Variants in SLC30A9 observed in about 807,000 individuals in gnomAD.
SLC30A9 encodes proton-coupled zinc antiporter SLC30A9, mitochondrial.
In SLC30A9, 58 loss-of-function variants were observed where a neutral mutation model predicts 87.5. The ratio of observed to expected loss-of-function variants is 0.66; its 90% CI spans 0.54 to 0.82. The LOEUF (loss-of-function observed/expected upper bound fraction) is 0.82. Among genes scored for constraint, SLC30A9 ranks in the 40% least tolerant of loss-of-function variants. SLC30A9 has a pLI of 0.00. For synonymous variants in SLC30A9, 234 were observed against 233.0 expected (o/e 1.00, Z -0.04); for missense variants, 557 against 679.1 (o/e 0.82, Z 2.00).
chr4:42,029,813 A>G, intron 6 of SLC30A9: 1 of 728,908 alleles, frequency 1.4e-6, no homozygotes, highest in East Asian at 2.6e-5. Context: ...AGACTTACCC[A>G]GTGATGAAGT....
In SLC30A9 at chr4:42,020,454, T is replaced by C. The variant is rs1158223648; in HGVS notation, c.373T>C (p.Tyr125His). Residue 125 changes from tyrosine (Y) to histidine (H), a missense_variant, in exon 4 of 18, where the codon TAC becomes CAC. Coordinates refer to ENST00000264451, the MANE Select transcript of SLC30A9 (RefSeq NM_006345.4). ...TAAGAAAAGGGAGTATGGCTCAAAG[T>C]ACACTCAGAATAATTTCATCACTGG... Reference protein sequence around the residue: ...VLKKREYGSKYTQNNFITGVR... With the variant: ...VLKKREYGSKHTQNNFITGVR... 1 of 1,597,708 alleles carries C rather than the reference T, an allele frequency of 6.3e-7. No homozygotes were observed. Among genetic ancestry groups the C allele is most frequent in the Non-Finnish European group, 8.6e-7 (1 of 1,166,502 alleles).
chr4:42,035,720 T>C (rs928247010), intron 7 of SLC30A9, among the ~76,000 whole-genome samples: 3 of 152,162 alleles, frequency 2.0e-5, no homozygotes, highest in Non-Finnish European at 2.9e-5. Context: ...GGTCTTGAAC[T>C]CCTGACCTCA....
At position 42,084,751 on chromosome 4, in the gene SLC30A9, G is replaced by A. The variant is rs141815875; in HGVS notation, c.1663-1331G>A. Among the ~76,000 whole-genome samples the A allele has an allele frequency of 6.3e-3, 957 of 152,244 alleles. 4 individuals are homozygous for A. The highest frequency in any genetic ancestry group is 0.012 in the African/African-American group (514 of 41,554). ...CTCCCAGAGTGCTGGGATTACAGGC[G>A]TGAGCCACCGCGCCCGGCCAGGTGC... On this transcript the variant is annotated intron_variant, in intron 17 of 17. Coordinates refer to ENST00000264451, the MANE Select transcript of SLC30A9 (RefSeq NM_006345.4).
chr4:42,049,461 A>G lies in SLC30A9; in HGVS notation c.822A>G (p.Leu274=). 6.3e-7 allele frequency: 1 copy of G among 1,589,466 alleles called. No homozygotes were observed. Among genetic ancestry groups the G allele is most frequent in the Non-Finnish European group, 8.6e-7 (1 of 1,163,684 alleles). The change falls in exon 9 of 18, where the codon TTA becomes TTG. Residue 274 remains leucine (L), a synonymous_variant. Transcript: ENST00000264451. Reference sequence around the variant, plus strand: ...TGTTCTCAGAAGCTATACACTCATTATCTGATACTTGTAATCAGGTGAGGA... The same window carrying G: ...TGTTCTCAGAAGCTATACACTCATTGTCTGATACTTGTAATCAGGTGAGGA... ...ASMFSEAIHS[L]SDTCNQGLLA...
At chr4:42,061,054 A>AAT (rs1326373613) in intron 10 of SLC30A9, among the ~76,000 whole-genome samples, 1 of 152,162 alleles carries the variant, frequency 6.6e-6, no homozygotes, top group Non-Finnish European at 1.5e-5. Context: ...TCTTAAGAAA[A>AAT]ATTTTTTTTT....
At chr4:42,048,440 G>A (rs1441811215) in intron 8 of SLC30A9, among the ~76,000 whole-genome samples, 1 of 152,030 alleles carries the variant, frequency 6.6e-6, no homozygotes, top group Non-Finnish European at 1.5e-5. Context: ...AGCTAAAAGG[G>A]GACATACAGT....
intron 9 of SLC30A9, among the ~76,000 whole-genome samples, chr4:42,053,470 C>G (rs1024564753): frequency 2.0e-5 from 3 of 151,984 alleles, no homozygotes; most frequent in Non-Finnish European, 2.9e-5. Context: ...GCAGGCAGAT[C>G]ATCTGAGGTC....
intron 12 of SLC30A9, among the ~76,000 whole-genome samples, chr4:42,066,092 C>G (rs1252527644): frequency 6.6e-6 from 1 of 152,184 alleles, no homozygotes; most frequent in Admixed American, 6.5e-5. Flanking sequence ...TGATTCACTG[C>G]TGTGCTCATG....
chr4:42,035,440 C>A, intron 7 of SLC30A9, 107 bp downstream of exon 7: 1 of 1,266,016 alleles, frequency 7.9e-7, no homozygotes, highest in Non-Finnish European at 1.1e-6. Context: ...CTAAGATTTT[C>A]TTGAGTACAT....
chr4:42,012,245 G>A (rs2581430), intron 2 of SLC30A9, among the ~76,000 whole-genome samples: 91,857 of 152,034 alleles, frequency 0.6, 33,127 homozygotes, highest in East Asian at 0.95. Flanking sequence ...AATACTATCA[G>A]CCTAATTGTT....
At chr4:41,997,163 A>AC (rs1297336490) in intron 1 of SLC30A9, among the ~76,000 whole-genome samples, 1 of 151,544 alleles carries the variant, frequency 6.6e-6, no homozygotes, top group East Asian at 1.9e-4. Flanking sequence ...CTAACTCAAA[A>AC]AAAAAAAAGA....
At chr4:42,068,275 C>T (rs550502981) in intron 14 of SLC30A9, among the ~76,000 whole-genome samples, 65 of 142,452 alleles carry the variant, frequency 4.6e-4, no homozygotes, top group Non-Finnish European at 9.1e-4. Context: ...CAGAGTTTTG[C>T]TCTTGTTGCC....
Position 41,990,767 on chromosome 4 carries a change from G to A in SLC30A9, c.109+7G>A. ...AATCCCAGCGACCGCCAGGGTGAGT[G>A]TCCCGCGCTGGCCGCTGGCTCCGTA... On this transcript the variant is annotated splice_region_variant and intron_variant, in intron 1 of 17. Transcript: ENST00000264451. 1.3e-6 allele frequency: 2 copies of A among 1,599,480 alleles called. No individual in the cohort carries two copies. Among genetic ancestry groups the A allele is most frequent in the Non-Finnish European group, 1.7e-6 (2 of 1,170,536 alleles).
intron 2 of SLC30A9, among the ~76,000 whole-genome samples, chr4:42,007,615 GGC>G (rs1715267720): frequency 6.6e-6 from 1 of 151,918 alleles, no homozygotes; most frequent in Non-Finnish European, 1.5e-5. Flanking sequence ...GCCGGAGCCG[GGC>G]ATGGTGGCAC....
At chr4:41,998,835 G>A (rs1210933892) in intron 1 of SLC30A9, among the ~76,000 whole-genome samples, 1 of 152,118 alleles carries the variant, frequency 6.6e-6, no homozygotes. Context: ...GTTTTATTGA[G>A]TTAAATGTGC....
At chr4:42,028,074 C>G (rs1182840571) in intron 6 of SLC30A9, among the ~76,000 whole-genome samples, 1 of 152,174 alleles carries the variant, frequency 6.6e-6, no homozygotes, top group African/African-American at 2.4e-5. Context: ...GAGAATTACC[C>G]TTTGTGAATA....
At chr4:42,023,957 G>A (rs547501681) in intron 6 of SLC30A9, among the ~76,000 whole-genome samples, 1 of 152,188 alleles carries the variant, frequency 6.6e-6, no homozygotes, top group African/African-American at 2.4e-5. Flanking sequence ...CAGTATGGGG[G>A]AGACCATCCC....
intron 7 of SLC30A9, among the ~76,000 whole-genome samples, chr4:42,035,735 A>G (rs1038905242): frequency 2.7e-5 from 4 of 150,820 alleles, no homozygotes; most frequent in African/African-American, 9.7e-5. Flanking sequence ...ACCTCAGGTG[A>G]TGCGCCTGCC....
At chr4:42,037,239 CTTTTTTTTTTTTTTTTTTTTTTTT>C (rs536795831) in intron 7 of SLC30A9, among the ~76,000 whole-genome samples, 2 of 91,194 alleles carry the variant, frequency 2.2e-5, no homozygotes, top group East Asian at 4.5e-4. Context: ...TAAATGCCTT[CTTTTTTTTTTTTTTTTTTTTTTTT>C]TTTTTTTTTT....
Sources: gnomAD v4.1 joint callset for allele counts (sites outside exome capture counted in the v4.1 genomes callset) on GRCh38, gnomAD v4.1.1 for gene constraint, MANE v1.5 for transcripts, NCBI Gene and HGNC (gene_info 2026-07-23, HGNC 2026-07-21) for gene names.